The following SMOC2 variants were observed in gnomAD, a reference collection of about 807,000 sequenced individuals.
SMOC2 encodes the protein SPARC-related modular calcium-binding protein 2.
Under a neutral mutation model 61.4 loss-of-function variants are expected in SMOC2, and 39 were observed. The ratio of observed to expected loss-of-function variants is 0.64; its 90% CI spans 0.49 to 0.83. The LOEUF is 0.83. SMOC2 is among the 40% of genes least tolerant of loss of function. The pLI is 0.00. For synonymous variants in SMOC2, 247 were observed against 239.9 expected (o/e 1.03, Z -0.27); for missense variants, 556 against 592.9 (o/e 0.94, Z 0.65).
rs531300684 is a variant in SMOC2 at position 168,528,815 on chromosome 6, T to C, written c.463+1088T>C. On this transcript the variant is annotated intron_variant, in intron 4 of 12. Transcript: ENST00000356284. The stretch of plus-strand genomic sequence containing the variant: ...AAATATATCTTTAGTTAAGCTAACA[T>C]GTATACCTAATAGTTCTGTTGCAAA... Among the ~76,000 whole-genome samples the C allele has an allele frequency of 4.6e-5, 7 of 152,356 alleles. No homozygotes were observed. In the South Asian group the frequency reaches 1.4e-3, roughly 32 times the overall value.
At chr6:168,466,987 C>T (rs769296231) in intron 1 of SMOC2, among the ~76,000 whole-genome samples, 4 of 152,182 alleles carry the variant, frequency 2.6e-5, no homozygotes, top group Non-Finnish European at 4.4e-5. Flanking sequence ...GCCATTGCAG[C>T]CACATCCTGC....
intron 1 of SMOC2, among the ~76,000 whole-genome samples, chr6:168,464,215 AAGG>A (rs1781776686): frequency 1.3e-5 from 2 of 150,172 alleles, no homozygotes; most frequent in African/African-American, 4.9e-5. Context: ...GGAAGGAAGA[AAGG>A]AAGGAAGGAA....
chr6:168,576,353 T>C (rs1046087012), intron 7 of SMOC2, among the ~76,000 whole-genome samples: 10 of 152,128 alleles, frequency 6.6e-5, no homozygotes, highest in African/African-American at 2.2e-4. Context: ...TCTACTGACA[T>C]CAGTGAACAT....
chr6:168,455,959 C>T (rs972519153), intron 1 of SMOC2, among the ~76,000 whole-genome samples: 6 of 152,228 alleles, frequency 3.9e-5, no homozygotes, highest in African/African-American at 1.2e-4. Context: ...CCCGATTTCC[C>T]GGTCTGTTCC....
chr6:168,530,093 CTA>C (rs1179361495), intron 4 of SMOC2, among the ~76,000 whole-genome samples: 1 of 152,138 alleles, frequency 6.6e-6, no homozygotes, highest in East Asian at 1.9e-4. Context: ...GAAGCAGACT[CTA>C]TAAAAATTTG....
At chr6:168,469,361 A>G (rs879580371) in intron 1 of SMOC2, among the ~76,000 whole-genome samples, 3 of 152,176 alleles carry the variant, frequency 2.0e-5, no homozygotes, top group Admixed American at 1.3e-4. Context: ...GCCCGAGGAA[A>G]GTTTGGCAAA....
At chr6:168,543,411 G>A (rs1783917237) in intron 4 of SMOC2, among the ~76,000 whole-genome samples, 1 of 152,182 alleles carries the variant, frequency 6.6e-6, no homozygotes, top group African/African-American at 2.4e-5. Flanking sequence ...AGCGCCAGAA[G>A]CAGAAACTAA....
chr6:168,598,185 C>T (rs896837426), intron 7 of SMOC2, among the ~76,000 whole-genome samples: 36 of 152,124 alleles, frequency 2.4e-4, no homozygotes, highest in African/African-American at 8.0e-4. Flanking sequence ...GGCTGAACAA[C>T]TTTTAGATAG....
intron 11 of SMOC2, among the ~76,000 whole-genome samples, chr6:168,656,926 CT>C (rs1787338093): frequency 6.6e-6 from 1 of 152,242 alleles, no homozygotes; most frequent in Non-Finnish European, 1.5e-5. Context: ...ATGCAGGAGG[CT>C]GCCCCCTGTG....
At chr6:168,556,156 G>T (rs1207682495) in intron 7 of SMOC2, among the ~76,000 whole-genome samples, 2 of 152,140 alleles carry the variant, frequency 1.3e-5, no homozygotes, top group Non-Finnish European at 2.9e-5. Context: ...GGGGGTCCGC[G>T]GCTGTGCGGG....
At chr6:168,518,360 ATGTG>A (rs112992748) in intron 2 of SMOC2, among the ~76,000 whole-genome samples, 8,899 of 151,126 alleles carry the variant, frequency 0.059, 438 homozygotes, top group East Asian at 0.24. Flanking sequence ...GTGAGTGCGA[ATGTG>A]TGTTCATGTG....
chr6:168,650,748 C>G lies in SMOC2; in HGVS notation c.975C>G (p.Val325=). ...SVLDALSTDM[V]HAASDPSSSS... Reference sequence around the variant, plus strand: ...TGGACGCGCTGTCCACGGACATGGTCCACGCCGCCTCCGACCCCTCCTCCT... The same window carrying G: ...TGGACGCGCTGTCCACGGACATGGTGCACGCCGCCTCCGACCCCTCCTCCT... The change falls in exon 10 of 13, where the codon GTC becomes GTG. Residue 325 remains valine (V), a synonymous_variant. Transcript: ENST00000356284. 1 of 1,613,144 alleles carries G rather than the reference C, an allele frequency of 6.2e-7. No homozygotes were observed. The highest frequency in any genetic ancestry group is 8.5e-7 in the Non-Finnish European group (1 of 1,179,978).
At chr6:168,529,374 T>C (rs998897486) in intron 4 of SMOC2, among the ~76,000 whole-genome samples, 5 of 152,178 alleles carry the variant, frequency 3.3e-5, no homozygotes, top group African/African-American at 9.6e-5. Context: ...GGCAGTTTCC[T>C]TGAGAAGACG....
intron 4 of SMOC2, among the ~76,000 whole-genome samples, chr6:168,530,321 A>G (rs914276394): frequency 1.3e-5 from 2 of 152,200 alleles, no homozygotes; most frequent in African/African-American, 4.8e-5. Flanking sequence ...AAAGATCTTT[A>G]ATAGGAAATG....
chr6:168,541,151 C>G (rs940814849), intron 4 of SMOC2, among the ~76,000 whole-genome samples: 1 of 152,196 alleles, frequency 6.6e-6, no homozygotes, highest in Non-Finnish European at 1.5e-5. Context: ...ACCAGAAATT[C>G]GTATCCCCAT....
At chr6:168,551,416 T>G (rs1380839572) in intron 7 of SMOC2, among the ~76,000 whole-genome samples, 1 of 149,088 alleles carries the variant, frequency 6.7e-6, no homozygotes, top group African/African-American at 2.5e-5. Flanking sequence ...ACTGGAAATA[T>G]ACTTTATTTT....
intron 9 of SMOC2, among the ~76,000 whole-genome samples, chr6:168,626,704 G>T (rs992944831): frequency 6.6e-6 from 1 of 152,236 alleles, no homozygotes; most frequent in Non-Finnish European, 1.5e-5. Context: ...AACGCGTTCT[G>T]TTACCTAGGC....
chr6:168,646,345 C>G (rs1452211668), intron 9 of SMOC2, among the ~76,000 whole-genome samples: 3 of 152,162 alleles, frequency 2.0e-5, no homozygotes, highest in Non-Finnish European at 4.4e-5. Flanking sequence ...GTGAGGAAAC[C>G]ACTCAGCTCC....
intron 7 of SMOC2, among the ~76,000 whole-genome samples, chr6:168,551,585 C>T (rs1274118947): frequency 6.6e-6 from 1 of 152,022 alleles, no homozygotes; most frequent in African/African-American, 2.4e-5. Flanking sequence ...TCCTGAGTAG[C>T]TGGGACTACA....
Sources: gnomAD v4.1 joint callset for allele counts (sites outside exome capture counted in the v4.1 genomes callset) on GRCh38, gnomAD v4.1.1 for gene constraint, MANE v1.5 for transcripts, NCBI Gene and HGNC (gene_info 2026-07-23, HGNC 2026-07-21) for gene names.